The following SNAP91 variants were observed in gnomAD, a reference collection of about 807,000 sequenced individuals.
SNAP91 encodes synaptosome associated protein 91, also known as clathrin coat assembly protein AP180.
Under a neutral mutation model 100.3 loss-of-function variants are expected in SNAP91, and 27 were observed. That is an observed-to-expected ratio of 0.27 (90% CI 0.20 to 0.37). The LOEUF (loss-of-function observed/expected upper bound fraction) is 0.37, where lower values mean the gene tolerates loss of function less well. SNAP91 is among the 10% of genes least tolerant of loss of function. SNAP91 has a pLI of 1.00. For missense variants in SNAP91, 986 were observed against 1,123.7 expected (o/e 0.88, Z 1.75); for synonymous variants, 404 against 398.6 (o/e 1.01, Z -0.16).
intron 7 of SNAP91, among the ~76,000 whole-genome samples, chr6:83,652,722 T>C (rs1315037246): frequency 2.0e-5 from 3 of 152,178 alleles, no homozygotes; most frequent in Admixed American, 1.3e-4. Flanking sequence ...CCCAAGTTTA[T>C]GACCCATATA....
chr6:83,640,966 A>G, intron 8 of SNAP91, 130 bp downstream of exon 8: 1 of 508,846 alleles, frequency 2.0e-6, no homozygotes, highest in Non-Finnish European at 3.4e-6. Flanking sequence ...CAACCTTAAT[A>G]TACTGTGACT....
chr6:83,689,029 A>G (rs2099098529), intron 2 of SNAP91, among the ~76,000 whole-genome samples: 1 of 152,150 alleles, frequency 6.6e-6, no homozygotes, highest in Non-Finnish European at 1.5e-5. Context: ...CCCCAGTGAA[A>G]TTAAGTGTTG....
intron 8 of SNAP91, among the ~76,000 whole-genome samples, chr6:83,639,227 A>G (rs2097577710): frequency 6.6e-6 from 1 of 152,198 alleles, no homozygotes; most frequent in South Asian, 2.1e-4. Context: ...GTATGAATCC[A>G]TACATCGACC....
At chr6:83,661,661 T>A in intron 4 of SNAP91, 57 bp from the exon 5 acceptor site, 9 of 981,532 alleles carry the variant, frequency 9.2e-6, no homozygotes, top group Non-Finnish European at 1.4e-5. Flanking sequence ...CAACTGTGCT[T>A]TGCATAGTAC....
At chr6:83,604,276 C>A (rs376688380) in intron 14 of SNAP91, among the ~76,000 whole-genome samples, 62 of 152,172 alleles carry the variant, frequency 4.1e-4, no homozygotes, top group African/African-American at 1.5e-3. Context: ...CTTATAAAAT[C>A]TCTTTAGCAA....
rs143112227 is a variant in SNAP91 at position 83,619,343 on chromosome 6, G to A, written c.808-2304C>T. On this transcript the variant is annotated intron_variant, in intron 9 of 29. Transcript: ENST00000369694. ...TTGATAGTAATATCCAGGCGTGCAG[G>A]AATGTCTACCTTTTCTCAACTGCAT... 5.0e-3 allele frequency among the ~76,000 whole-genome samples: 757 copies of A among 152,256 alleles called. 10 individuals are homozygous for A. The highest frequency in any genetic ancestry group is 0.017 in the African/African-American group (718 of 41,546).
chr6:83,619,808 T>C (rs1217431976), intron 9 of SNAP91, among the ~76,000 whole-genome samples: 2 of 152,178 alleles, frequency 1.3e-5, no homozygotes, highest in African/African-American at 4.8e-5. Flanking sequence ...AATTCATAGC[T>C]GATTGTGAGC....
At chr6:83,645,856 C>G (rs979349712) in intron 7 of SNAP91, among the ~76,000 whole-genome samples, 12 of 152,058 alleles carry the variant, frequency 7.9e-5, no homozygotes, top group African/African-American at 2.7e-4. Context: ...CACTAAACAC[C>G]AATGATCTTT....
intron 26 of SNAP91, among the ~76,000 whole-genome samples, chr6:83,561,807 A>G (rs1788217330): frequency 6.6e-6 from 1 of 152,148 alleles, no homozygotes; most frequent in African/African-American, 2.4e-5. Flanking sequence ...GGAGTTTAGG[A>G]CCAGCAACAT....
chr6:83,679,080 C>G (rs1452244382), intron 2 of SNAP91, among the ~76,000 whole-genome samples: 1 of 151,438 alleles, frequency 6.6e-6, no homozygotes, highest in Admixed American at 6.6e-5. Flanking sequence ...TAAAAAAATA[C>G]AAATAGAAAA....
intron 2 of SNAP91, among the ~76,000 whole-genome samples, chr6:83,698,543 C>T (rs1482388241): frequency 1.3e-5 from 2 of 151,918 alleles, no homozygotes; most frequent in Admixed American, 6.6e-5. Context: ...AGGGTTACTC[C>T]CTTAGTAAAA....
chr6:83,609,340 A>C (rs2095845033), intron 12 of SNAP91, among the ~76,000 whole-genome samples: 1 of 152,218 alleles, frequency 6.6e-6, no homozygotes, highest in Admixed American at 6.5e-5. Flanking sequence ...TCTACTCAGC[A>C]GTCATATATT....
chr6:83,647,461 T>C (rs181743950), intron 7 of SNAP91, among the ~76,000 whole-genome samples: 1 of 152,316 alleles, frequency 6.6e-6, no homozygotes, highest in African/African-American at 2.4e-5. Flanking sequence ...TTTTTCTCTT[T>C]TAGCTTATTG....
At chr6:83,606,246 T>G (rs934833204) in intron 13 of SNAP91, among the ~76,000 whole-genome samples, 2 of 152,222 alleles carry the variant, frequency 1.3e-5, no homozygotes, top group Non-Finnish European at 2.9e-5. Flanking sequence ...AAAAAATTCA[T>G]GTCTTGAGAA....
chr6:83,620,927 T>C (rs535113963), intron 9 of SNAP91, among the ~76,000 whole-genome samples: 1 of 152,012 alleles, frequency 6.6e-6, no homozygotes, highest in African/African-American at 2.4e-5. Context: ...GTGGTCTCGA[T>C]CTCCTGAACT....
intron 16 of SNAP91, among the ~76,000 whole-genome samples, chr6:83,596,539 C>T (rs1393123690): frequency 2.0e-5 from 3 of 151,892 alleles, no homozygotes; most frequent in East Asian, 3.9e-4. Context: ...ATATATATTG[C>T]CATTATTAAA....
intron 2 of SNAP91, among the ~76,000 whole-genome samples, chr6:83,683,590 C>T (rs892852267): frequency 3.3e-5 from 5 of 152,110 alleles, no homozygotes; most frequent in Non-Finnish European, 5.9e-5. Flanking sequence ...CAGGTGCTGG[C>T]GCCACACTTC....
intron 16 of SNAP91, among the ~76,000 whole-genome samples, chr6:83,595,022 G>A (rs1046727586): frequency 6.6e-6 from 1 of 152,078 alleles, no homozygotes; most frequent in African/African-American, 2.4e-5. Context: ...AACATGAAAG[G>A]TTTACTAAGC....
chr6:83,582,812 C>T (rs1830319301), intron 22 of SNAP91, among the ~76,000 whole-genome samples: 1 of 152,132 alleles, frequency 6.6e-6, no homozygotes, highest in Non-Finnish European at 1.5e-5. Flanking sequence ...ATCTATCATA[C>T]ATGTTCTAGC....
Sources: allele counts gnomAD v4.1 joint callset (sites outside exome capture counted in the v4.1 genomes callset), GRCh38; gene constraint gnomAD v4.1.1; transcripts MANE v1.5; gene names NCBI Gene and HGNC (gene_info 2026-07-23, HGNC 2026-07-21).